Variants in ARID3A observed in about 807,000 individuals in gnomAD.
ARID3A encodes AT-rich interactive domain-containing protein 3A.
In ARID3A, 11 loss-of-function variants were observed where a neutral mutation model predicts 52.7. The ratio of observed to expected loss-of-function variants is 0.21; its 90% CI spans 0.13 to 0.35. The LOEUF is 0.35. Among genes scored for constraint, ARID3A ranks in the 10% least tolerant of loss-of-function variants. ARID3A has a pLI of 1.00. For missense variants in ARID3A, 721 were observed against 838.5 expected (o/e 0.86, Z 1.73); for synonymous variants, 404 against 359.4 (o/e 1.12, Z -1.40).
chr19:954,264 T>C (rs2037867816), intron 3 of ARID3A, among the ~76,000 whole-genome samples: 1 of 152,178 alleles, frequency 6.6e-6, no homozygotes, highest in Admixed American at 6.5e-5. Context: ...CTCCACGCGC[T>C]CTGTGCCTCG....
chr19:970,565 T>TGCCA (rs1247274084), intron 8 of ARID3A, among the ~76,000 whole-genome samples: 4 of 137,938 alleles, frequency 2.9e-5, no homozygotes, highest in African/African-American at 1.1e-4. Context: ...TGGAGTGCAA[T>TGCCA]GGCATGATCT....
intron 1 of ARID3A, among the ~76,000 whole-genome samples, chr19:926,390 C>G (rs1310142937): frequency 6.6e-6 from 1 of 151,724 alleles, no homozygotes; most frequent in Non-Finnish European, 1.5e-5. Context: ...GGAGACTTCA[C>G]TCCCCACTGG....
intron 2 of ARID3A, among the ~76,000 whole-genome samples, chr19:930,372 C>T (rs1173889228): frequency 2.7e-5 from 4 of 150,452 alleles, no homozygotes; most frequent in South Asian, 2.1e-4. Flanking sequence ...GCCAACATGG[C>T]GAAACCCCAT....
intron 3 of ARID3A, among the ~76,000 whole-genome samples, chr19:943,138 G>T (rs927765692): frequency 2.0e-5 from 3 of 151,954 alleles, no homozygotes; most frequent in Admixed American, 2.0e-4. Context: ...GTGCGTGCCT[G>T]TGGTCCCAGC....
rs541467745 is a variant in ARID3A, at chr19:945,703, T to C, written c.693+12961T>C. ...CAGCCCCTTCCTTCCTGCAGCCGTC[T>C]TTGGGCCCGGACTCCAGGCAGGCCC... is the stretch of plus-strand genomic sequence containing the variant. On this transcript the variant is annotated intron_variant, in intron 3 of 8. Transcript: ENST00000263620. Among the ~76,000 whole-genome samples, 486 of 152,298 alleles carry C rather than the reference T, an allele frequency of 3.2e-3. 1 individual carries two copies. Among genetic ancestry groups the C allele is most frequent in the Admixed American group, 5.2e-3 (80 of 15,296 alleles).
In ARID3A at chr19:944,469, G is replaced by A. The variant is rs975102592; in HGVS notation, c.693+11727G>A. Among the ~76,000 whole-genome samples, 6 of 152,118 alleles carry A rather than the reference G, an allele frequency of 3.9e-5. No individual in the cohort carries two copies. The highest frequency in any genetic ancestry group is 3.9e-4 in the Admixed American group (6 of 15,268). ...CCACGGCCTCAGCCCCGTTGCTTCG[G>A]TCGATGCCCCCAAACCTTGACCCAT... On this transcript the variant is annotated intron_variant, in intron 3 of 8. Transcript: ENST00000263620. The surrounding 1 kb of genome is among the most constrained non-coding windows in gnomAD (Gnocchi z 5.9).
Position 929,436 on chromosome 19 carries a change from G to GCCCCCCCCCCCCCGGGGCCCCCCCC in ARID3A, c.-88_-87insCCCCCCCCGGGGCCCCCCCCCCCCC. On this transcript the variant is annotated 5_prime_UTR_variant, in exon 2 of 9. Coordinates refer to ENST00000263620, the MANE Select transcript of ARID3A (RefSeq NM_005224.3). This position sits in a 1 kb window ranked among gnomAD's most constrained non-coding sequence, Gnocchi z 6.2. ...GGCCCCCACGCTGCAGTGCGGCCGG[G>GCCCCCCCCCCCCCGGGGCCCCCCCC]CCCCCTCCCCGCAGGGGCCGCCCCC... 8.1e-7 allele frequency: 1 copy of GCCCCCCCCCCCCCGGGGCCCCCCCC among 1,227,758 alleles called. No individual in the cohort carries two copies. Among genetic ancestry groups the GCCCCCCCCCCCCCGGGGCCCCCCCC allele is most frequent in the Non-Finnish European group, 1.0e-6 (1 of 964,926 alleles). 76.1% of individuals were successfully genotyped at this position (1,227,758 alleles called of 1,614,324 possible). A position where few individuals can be genotyped will look rare whatever the true frequency, so the allele number is the denominator to read the frequency against.
chr19:964,523 G>T lies in ARID3A; in HGVS notation c.950+92G>T, dbSNP rs2038106771. ...CAGAAGAGGGAGGGGGTGGTGGGCAGCTGCAGAGGAGGGGGCAGTGGGCAG... is the reference window on the plus strand; with the variant it reads ...CAGAAGAGGGAGGGGGTGGTGGGCATCTGCAGAGGAGGGGGCAGTGGGCAG... On this transcript the variant is annotated intron_variant, in intron 5 of 8. Transcript: ENST00000263620. This position sits in a 1 kb window ranked among gnomAD's most constrained non-coding sequence, Gnocchi z 5.7. 2.8e-6 allele frequency: 4 copies of T among 1,449,488 alleles called. No homozygotes were observed. In the Admixed American group the frequency reaches 6.6e-5, roughly 24 times the overall value. The allele number at this position is 1,449,488 out of a possible 1,614,324, so 89.8% of individuals were successfully genotyped here.
intron 3 of ARID3A, among the ~76,000 whole-genome samples, chr19:943,020 G>A (rs767523108): frequency 8.5e-5 from 13 of 152,126 alleles, no homozygotes; most frequent in African/African-American, 3.1e-4. Context: ...TGTGATCCCC[G>A]CGCTTTGGAA....
rs530706758 is a variant in ARID3A at position 968,553 on chromosome 19, C to T, written c.1594+50C>T. 5.5e-5 allele frequency: 86 copies of T among 1,570,362 alleles called. 1 individual carries two copies. In the South Asian group the frequency reaches 5.7e-4, roughly 10 times the overall value. On this transcript the variant is annotated intron_variant, in intron 8 of 8. Coordinates refer to ENST00000263620, the MANE Select transcript of ARID3A (RefSeq NM_005224.3). Reference sequence around the variant, plus strand: ...GCCTGGACCTCGCCTCTCCCGCCGCCGTGAACTCAGGACCCTGAGTTGCGC... The same window carrying T: ...GCCTGGACCTCGCCTCTCCCGCCGCTGTGAACTCAGGACCCTGAGTTGCGC...
At chr19:962,822 G>A (rs976013499) in intron 4 of ARID3A, among the ~76,000 whole-genome samples, 1 of 152,078 alleles carries the variant, frequency 6.6e-6, no homozygotes, top group East Asian at 1.9e-4. Flanking sequence ...GCCTGATGCC[G>A]TTACTTTTAC....
rs1244879294 is a variant in ARID3A, at chr19:942,980, T to C, written c.693+10238T>C. 6.6e-6 allele frequency among the ~76,000 whole-genome samples: 1 copy of C among 152,108 alleles called. No homozygotes were observed. The highest frequency in any genetic ancestry group is 1.5e-5 in the Non-Finnish European group (1 of 68,008). On this transcript the variant is annotated intron_variant, in intron 3 of 8. Coordinates refer to ENST00000263620, the MANE Select transcript of ARID3A (RefSeq NM_005224.3). The surrounding 1 kb of genome is among the most constrained non-coding windows in gnomAD (Gnocchi z 8.1). ...ACGGTGGCCCCAAATCCCATGCCGG[T>C]CGGTTGTCCTCTAAGGGGGAGGTCA...
At chr19:930,745 A>G (rs141463398) in intron 2 of ARID3A, among the ~76,000 whole-genome samples, 23,805 of 150,414 alleles carry the variant, frequency 0.16, 2,587 homozygotes, top group Non-Finnish European at 0.25. Context: ...TCCTGACCTC[A>G]TGATCTGCCT....
In ARID3A at chr19:960,074, C is replaced by T. The variant is rs767944314; in HGVS notation, c.694-18C>T. On this transcript the variant is annotated intron_variant, in intron 3 of 8. Transcript: ENST00000263620. This position sits in a 1 kb window ranked among gnomAD's most constrained non-coding sequence, Gnocchi z 4.3. ...GAGCTCTGGCACCAACTAACCCATC[C>T]CCTCTCCACCCTCACAGCTCTACGA... 17 of 1,608,444 alleles carry T rather than the reference C, an allele frequency of 1.1e-5. 1 individual carries two copies. Among genetic ancestry groups the T allele is most frequent in the Middle Eastern group, 1.6e-4 (1 of 6,068 alleles).
intron 3 of ARID3A, among the ~76,000 whole-genome samples, chr19:957,386 C>T (rs2037944776): frequency 6.6e-6 from 1 of 152,230 alleles, no homozygotes; most frequent in Non-Finnish European, 1.5e-5. Context: ...CCCGCACTCG[C>T]CGCTGTGTCT....
intron 3 of ARID3A, among the ~76,000 whole-genome samples, chr19:933,391 G>A (rs1223308906): frequency 6.6e-6 from 1 of 152,168 alleles, no homozygotes; most frequent in Non-Finnish European, 1.5e-5. Flanking sequence ...GCCGGGCGGG[G>A]GATGCTTTGA....
chr19:928,114 C>G (rs1358121284), intron 1 of ARID3A: 1 of 149,542 alleles, frequency 6.7e-6, no homozygotes, highest in African/African-American at 2.4e-5. Flanking sequence ...TGCCCAGGAG[C>G]TGTGTATGAG....
At chr19:963,643 C>T (rs1477048333) in intron 4 of ARID3A, among the ~76,000 whole-genome samples, 1 of 152,172 alleles carries the variant, frequency 6.6e-6, no homozygotes, top group Non-Finnish European at 1.5e-5. Context: ...CACCTACCGC[C>T]CTTCCCCTGC....
rs550161889 is a variant in ARID3A at position 974,900 on chromosome 19, G to A, written c.*2835G>A. The A allele has an allele frequency of 1.1e-3, 244 of 226,496 alleles. No homozygotes were observed. Among genetic ancestry groups the A allele is most frequent in the Admixed American group, 1.8e-3 (32 of 17,598 alleles). 14.0% of individuals were successfully genotyped at this position (226,496 alleles called of 1,614,324 possible). On this transcript the variant is annotated 3_prime_UTR_variant, in exon 9 of 9. Transcript: ENST00000263620. Reference sequence around the variant, plus strand: ...GGGGGTGGGCGCGAGGCTGGGTCCCGGCCCAGGAGAAGGAAGTCGCTGAAG... The same window carrying A: ...GGGGGTGGGCGCGAGGCTGGGTCCCAGCCCAGGAGAAGGAAGTCGCTGAAG...
Sources: gnomAD v4.1 joint callset for allele counts (sites outside exome capture counted in the v4.1 genomes callset) on GRCh38, gnomAD v4.1.1 for gene constraint, Gnocchi (gnomAD v3.1) non-coding constraint, MANE v1.5 for transcripts, NCBI Gene and HGNC (gene_info 2026-07-23, HGNC 2026-07-21) for gene names.